EYS: variants seen among roughly 807,000 people sequenced by gnomAD.
EYS encodes the protein protein eyes shut homolog.
EYS carries 250 observed loss-of-function variants against 282.1 expected under a neutral mutation model. That is an observed-to-expected ratio of 0.89 (90% CI 0.80 to 0.98). The LOEUF is 0.98. Ranked by LOEUF, EYS falls within the 50% of genes least tolerant of loss-of-function variation. The probability of loss-of-function intolerance (pLI) is 0.00; values close to 1 mark genes in which losing one functional copy is unlikely to be tolerated. For missense variants in EYS, 4,016 were observed against 3,709.0 expected (o/e 1.08, Z -2.15); for synonymous variants, 1,355 against 1,282.9 (o/e 1.06, Z -1.20).
At chr6:65,006,352 G>A (rs1361222888) in intron 13 of EYS, among the ~76,000 whole-genome samples, 1 of 151,778 alleles carries the variant, frequency 6.6e-6, no homozygotes, top group Non-Finnish European at 1.5e-5. Context: ...TGTAAATAAG[G>A]GCTTAGCAAA....
At chr6:64,676,150 C>T (rs1411355054) in intron 22 of EYS, among the ~76,000 whole-genome samples, 2 of 144,104 alleles carry the variant, frequency 1.4e-5, no homozygotes, top group Admixed American at 7.0e-5. Flanking sequence ...TATTATTATT[C>T]CCTTTTACAA....
intron 26 of EYS, among the ~76,000 whole-genome samples, chr6:64,570,554 C>T (rs530340848): frequency 6.6e-5 from 10 of 151,854 alleles, no homozygotes; most frequent in East Asian, 1.9e-4. Context: ...AACTGTCTCA[C>T]GTGTATAGGC....
intron 8 of EYS, among the ~76,000 whole-genome samples, chr6:65,373,887 G>A (rs9345612): frequency 0.52 from 78,242 of 151,834 alleles, 20,165 homozygotes; most frequent in Admixed American, 0.54. Flanking sequence ...ACATACTGCT[G>A]AACTGCCATT....
rs184269661 is a variant in EYS, at chr6:65,017,847, G to A, written c.2138-20144C>T. On this transcript the variant is annotated intron_variant, in intron 13 of 42. Transcript: ENST00000503581. The stretch of plus-strand genomic sequence containing the variant: ...TATTACCTTTTAGATAACAATTTTC[G>A]TAATACTCCCCTTTGTAACCTCATA... 9.7e-4 allele frequency among the ~76,000 whole-genome samples: 147 copies of A among 151,946 alleles called. 1 individual carries two copies. The highest frequency in any genetic ancestry group is 2.2e-3 in the African/African-American group (93 of 41,452).
chr6:63,895,552 G>A (rs1360478913), intron 35 of EYS, among the ~76,000 whole-genome samples: 1 of 152,162 alleles, frequency 6.6e-6, no homozygotes, highest in East Asian at 1.9e-4. Context: ...GTACTCTGTG[G>A]ATAATTTTAA....
chr6:65,560,889 C>A (rs759867524), intron 2 of EYS, among the ~76,000 whole-genome samples: 84 of 152,074 alleles, frequency 5.5e-4, no homozygotes, highest in Non-Finnish European at 9.0e-4. Context: ...TTGTAAGTTG[C>A]AGAGAGATTT....
intron 31 of EYS, among the ~76,000 whole-genome samples, chr6:64,185,145 G>T (rs549312758): frequency 7.9e-5 from 12 of 152,046 alleles, no homozygotes; most frequent in Non-Finnish European, 1.6e-4. Flanking sequence ...CCTTGCTCTT[G>T]AACTTGTCGG....
intron 2 of EYS, among the ~76,000 whole-genome samples, chr6:65,537,803 A>T (rs1243474369): frequency 6.6e-6 from 1 of 152,222 alleles, no homozygotes; most frequent in Non-Finnish European, 1.5e-5. Context: ...CTGGAGAAAC[A>T]GAAGATGAAT....
At position 65,305,260 on chromosome 6, in the gene EYS, C is replaced by G. The variant is rs1376207439; in HGVS notation, c.1767-9141G>C. Among the ~76,000 whole-genome samples, 4 of 152,194 alleles carry G rather than the reference C, an allele frequency of 2.6e-5. No homozygotes were observed. The East Asian group carries it at 7.7e-4, about 29-fold the overall frequency. On this transcript the variant is annotated intron_variant, in intron 11 of 42. Transcript: ENST00000503581. ...GATCAAGTGAAAGGGTGCAAGCAAA[C>G]TTAGTGACTCCTTGAGGTGTTTGTC...
intron 12 of EYS, among the ~76,000 whole-genome samples, chr6:65,276,888 T>A (rs1298151480): frequency 6.6e-6 from 1 of 152,150 alleles, no homozygotes; most frequent in Non-Finnish European, 1.5e-5. Flanking sequence ...GGTATAAATA[T>A]GTGCATGTTT....
At chr6:64,857,188 G>A (rs1433440692) in intron 19 of EYS, among the ~76,000 whole-genome samples, 1 of 152,030 alleles carries the variant, frequency 6.6e-6, no homozygotes, top group Non-Finnish European at 1.5e-5. Context: ...TAGATTGTTG[G>A]TTTTAGATCC....
At chr6:64,658,758 G>GC (rs1768865143) in intron 22 of EYS, among the ~76,000 whole-genome samples, 1 of 152,166 alleles carries the variant, frequency 6.6e-6, no homozygotes, top group South Asian at 2.1e-4. Flanking sequence ...GTGTCAGTCT[G>GC]CCCCTACTGG....
At chr6:64,528,303 T>C (rs1158870028) in intron 26 of EYS, among the ~76,000 whole-genome samples, 1 of 151,910 alleles carries the variant, frequency 6.6e-6, no homozygotes, top group Non-Finnish European at 1.5e-5. Flanking sequence ...AGTCCTCTTT[T>C]CACTTCCGCA....
At chr6:65,479,723 G>A (rs1377568898) in intron 5 of EYS, among the ~76,000 whole-genome samples, 3 of 152,096 alleles carry the variant, frequency 2.0e-5, no homozygotes, top group Non-Finnish European at 2.9e-5. Context: ...CTAGAAGAAC[G>A]CATTGGATAA....
intron 2 of EYS, among the ~76,000 whole-genome samples, chr6:65,573,492 C>T (rs138669459): frequency 8.9e-4 from 135 of 152,248 alleles, no homozygotes; most frequent in African/African-American, 3.2e-3. Context: ...CAAGAATTGG[C>T]TGCTGTTCAG....
At chr6:63,926,884 T>C (rs972084595) in intron 35 of EYS, among the ~76,000 whole-genome samples, 1 of 152,218 alleles carries the variant, frequency 6.6e-6, no homozygotes, top group African/African-American at 2.4e-5. Context: ...ATTCAACTAT[T>C]ATATTAATAC....
intron 22 of EYS, among the ~76,000 whole-genome samples, chr6:64,727,233 G>C (rs1474800592): frequency 2.0e-5 from 3 of 152,146 alleles, no homozygotes; most frequent in Non-Finnish European, 2.9e-5. Context: ...AATTCTTAAA[G>C]TTTTATCTTG....
chr6:65,087,514 C>T (rs142527745), intron 12 of EYS, among the ~76,000 whole-genome samples: 2 of 152,202 alleles, frequency 1.3e-5, no homozygotes, highest in East Asian at 3.9e-4. Flanking sequence ...GCTCCTTCTT[C>T]TCATTCTTTT....
At chr6:64,857,945 G>A (rs1297966801) in intron 19 of EYS, among the ~76,000 whole-genome samples, 1 of 151,866 alleles carries the variant, frequency 6.6e-6, no homozygotes, top group Non-Finnish European at 1.5e-5. Context: ...TTTTAAATTA[G>A]GTTGTTTTCT....
Sources: gnomAD v4.1 joint callset for allele counts (sites outside exome capture counted in the v4.1 genomes callset) on GRCh38, gnomAD v4.1.1 for gene constraint, MANE v1.5 for transcripts, NCBI Gene and HGNC (gene_info 2026-07-23, HGNC 2026-07-21) for gene names.